The following PCDHGA1 variants were observed in gnomAD, a reference collection of about 807,000 sequenced individuals.
PCDHGA1 encodes the protein protocadherin gamma-A1.
PCDHGA1 carries 32 observed loss-of-function variants against 58.0 expected under a neutral mutation model. The observed-to-expected ratio is 0.55, with a 90% CI of 0.42 to 0.74. The LOEUF (loss-of-function observed/expected upper bound fraction) is 0.74, where lower values mean the gene tolerates loss of function less well. PCDHGA1 is among the 30% of genes least tolerant of loss of function. The pLI is 0.00. For missense variants in PCDHGA1, 1,205 were observed against 1,182.3 expected, an observed-to-expected ratio of 1.02 and a Z score of -0.28; for synonymous variants, 498 against 501.1, an observed-to-expected ratio of 0.99 and a Z score of 0.08.
In PCDHGA1 at chr5:141,476,258, G is replaced by A. The variant is rs1247889010; in HGVS notation, c.2422-18549G>A. 1 of 1,614,018 alleles carries A rather than the reference G, an allele frequency of 6.2e-7. No individual in the cohort carries two copies. Among genetic ancestry groups the A allele is most frequent in the South Asian group, 1.1e-5 (1 of 91,066 alleles). Reference sequence around the variant, plus strand: ...GGAAAGAGAGAAGGGTTTCGCTGTGGGCAACGTGGTCGCGAACCTTGGTTT... The same window carrying A: ...GGAAAGAGAGAAGGGTTTCGCTGTGAGCAACGTGGTCGCGAACCTTGGTTT... On this transcript the variant is annotated intron_variant, in intron 1 of 3. Coordinates refer to ENST00000517417, the MANE Select transcript of PCDHGA1 (RefSeq NM_018912.3). This position sits in a 1 kb window ranked among gnomAD's most constrained non-coding sequence, Gnocchi z 7.6.
chr5:141,413,953 C>A, intron 1 of PCDHGA1: 1 of 1,613,310 alleles, frequency 6.2e-7, no homozygotes, highest in Non-Finnish European at 8.5e-7. Context: ...TGAGAATTTG[C>A]CTGTGGGCAC....
chr5:141,400,345 A>C lies in PCDHGA1; in HGVS notation c.2421+67240A>C, dbSNP rs757500171. On this transcript the variant is annotated intron_variant, in intron 1 of 3. Transcript: ENST00000517417. ...TGGACCTGTGGTTCCCCCCAACTACAGTCAGGGGACTTTGCCTTATTCCTA... is the reference window on the plus strand; with the variant it reads ...TGGACCTGTGGTTCCCCCCAACTACCGTCAGGGGACTTTGCCTTATTCCTA... 1.9e-6 allele frequency: 3 copies of C among 1,614,040 alleles called. No homozygotes were observed. In the South Asian group the frequency reaches 3.3e-5, roughly 18 times the overall value.
At chr5:141,502,024 C>G (rs2099812413) in intron 2 of PCDHGA1, among the ~76,000 whole-genome samples, 1 of 152,152 alleles carries the variant, frequency 6.6e-6, no homozygotes, top group African/African-American at 2.4e-5. Context: ...TCCCTGCAAC[C>G]CCCGCCGCTT....
Position 141,421,488 on chromosome 5 carries a change from G to A in PCDHGA1, c.2422-73319G>A. On this transcript the variant is annotated intron_variant, in intron 1 of 3. Transcript: ENST00000517417. ...ATCCGCGAAGCGGCAGCTTGATCAC[G>A]GCAGGCAGGATAGACCGGGAGGAGC... The A allele has an allele frequency of 1.9e-6, 3 of 1,614,100 alleles. No homozygotes were observed. In the South Asian group the frequency reaches 3.3e-5, roughly 18 times the overall value.
chr5:141,413,218 A>C, intron 1 of PCDHGA1: 1 of 1,613,610 alleles, frequency 6.2e-7, no homozygotes, highest in Non-Finnish European at 8.5e-7. Context: ...AAAGGATTGC[A>C]GCGGGCTGGT....
chr5:141,441,838 C>A, intron 1 of PCDHGA1: 1 of 355,582 alleles, frequency 2.8e-6, no homozygotes, highest in Non-Finnish European at 5.5e-6. Context: ...TGGCTTCGCG[C>A]TCTTGGATAT....
At chr5:141,414,221 C>A in intron 1 of PCDHGA1, 1 of 1,613,126 alleles carries the variant, frequency 6.2e-7, no homozygotes, top group Non-Finnish European at 8.5e-7. Flanking sequence ...GACAACAGTC[C>A]AGAGCTGACC....
chr5:141,393,708 G>A, intron 1 of PCDHGA1: 2 of 1,613,788 alleles, frequency 1.2e-6, no homozygotes, highest in South Asian at 1.1e-5. Context: ...TGAAAATACT[G>A]GGGAAATATC....
At chr5:141,363,362 TC>T (rs1356000329) in intron 1 of PCDHGA1, among the ~76,000 whole-genome samples, 1 of 152,268 alleles carries the variant, frequency 6.6e-6, no homozygotes, top group African/African-American at 2.4e-5. Flanking sequence ...TCCATTTTTT[TC>T]AATCAAGAGG....
In PCDHGA1 at chr5:141,491,667, G is replaced by C. The variant is rs746903142; in HGVS notation, c.2422-3140G>C. The C allele has an allele frequency of 3.7e-6, 6 of 1,613,678 alleles. No individual in the cohort carries two copies. The South Asian group carries it at 6.6e-5, about 18-fold the overall frequency. On this transcript the variant is annotated intron_variant, in intron 1 of 3. Transcript: ENST00000517417. This position sits in a 1 kb window ranked among gnomAD's most constrained non-coding sequence, Gnocchi z 6.9. Reference sequence around the variant, plus strand: ...TGGCGCTGGAGCCTGACGCCATCCGGTCCCGCTCTAATACGCTGCGGGAGC... The same window carrying C: ...TGGCGCTGGAGCCTGACGCCATCCGCTCCCGCTCTAATACGCTGCGGGAGC...
intron 1 of PCDHGA1, chr5:141,478,852 A>G (rs2099480601): frequency 7.3e-7 from 1 of 1,367,502 alleles, no homozygotes; most frequent in African/African-American, 1.5e-5. Flanking sequence ...GCTAAAACAC[A>G]AGATCTCAGC....
chr5:141,426,104 A>T (rs2096915289), intron 1 of PCDHGA1, among the ~76,000 whole-genome samples: 1 of 152,258 alleles, frequency 6.6e-6, no homozygotes, highest in Non-Finnish European at 1.5e-5. Flanking sequence ...GTTCAGTCAC[A>T]GAAGCAAGTC....
At chr5:141,413,234 T>C (rs2095618811) in intron 1 of PCDHGA1, 2 of 1,613,838 alleles carry the variant, frequency 1.2e-6, no homozygotes, top group Non-Finnish European at 1.7e-6. Context: ...CTGGTCCTGC[T>C]CTGCCTTTTC....
Position 141,485,890 on chromosome 5 carries a change from C to G in PCDHGA1, c.2422-8917C>G. 4 of 1,614,156 alleles carry G rather than the reference C, an allele frequency of 2.5e-6. No individual in the cohort carries two copies. Among genetic ancestry groups the G allele is most frequent in the Non-Finnish European group, 2.5e-6 (3 of 1,180,022 alleles). The stretch of plus-strand genomic sequence containing the variant: ...CCGTGCTGGACGTAAACGACAACGC[C>G]CCAGCCTTCCAGCAATCCAGCTACA... On this transcript the variant is annotated intron_variant, in intron 1 of 3. Coordinates refer to ENST00000517417, the MANE Select transcript of PCDHGA1 (RefSeq NM_018912.3). The surrounding 1 kb of genome is among the most constrained non-coding windows in gnomAD (Gnocchi z 5.7).
At chr5:141,472,980 C>CAAAAAAAAAAAAAAAAGAAAA (rs2099308501) in intron 1 of PCDHGA1, among the ~76,000 whole-genome samples, 1 of 86,106 alleles carries the variant, frequency 1.2e-5, no homozygotes, top group Non-Finnish European at 2.5e-5. Context: ...GAGTGAAACT[C>CAAAAAAAAAAAAAAAAGAAAA]AAAAAAAAAA....
chr5:141,395,422 G>T, intron 1 of PCDHGA1: 1 of 728,826 alleles, frequency 1.4e-6, no homozygotes, highest in Non-Finnish European at 2.1e-6. Flanking sequence ...TGTTTCATTT[G>T]CTTTTAAACG....
intron 1 of PCDHGA1, chr5:141,427,597 T>C: frequency 1.5e-6 from 1 of 682,152 alleles, no homozygotes; most frequent in Non-Finnish European, 2.7e-6. Context: ...AGCCTCACCC[T>C]ACGCATTGGT....
intron 1 of PCDHGA1, chr5:141,340,978 C>A: frequency 6.2e-7 from 1 of 1,613,966 alleles, no homozygotes; most frequent in Non-Finnish European, 8.5e-7. Context: ...ACAGGATCCC[C>A]GACATCCTGG....
At chr5:141,360,432 G>C in intron 1 of PCDHGA1, 1 of 1,613,994 alleles carries the variant, frequency 6.2e-7, no homozygotes, top group Non-Finnish European at 8.5e-7. Flanking sequence ...GCGGGAAGCA[G>C]CCTCTGTGTG....
Sources: allele counts gnomAD v4.1 joint callset (sites outside exome capture counted in the v4.1 genomes callset), GRCh38; gene constraint gnomAD v4.1.1; non-coding constraint Gnocchi (gnomAD v3.1); transcripts MANE v1.5; gene names NCBI Gene and HGNC (gene_info 2026-07-23, HGNC 2026-07-21).